Variants in NEXMIF observed in about 807,000 individuals in gnomAD.
The protein encoded by NEXMIF is XLMR protein related to neurite extension.
Under a neutral mutation model 62.1 loss-of-function variants are expected in NEXMIF, and 8 were observed. The ratio of observed to expected loss-of-function variants is 0.13; its 90% CI spans 0.08 to 0.23. The LOEUF (loss-of-function observed/expected upper bound fraction) is 0.23, where lower values mean the gene tolerates loss of function less well. Ranked by LOEUF, NEXMIF falls within the 10% of genes least tolerant of loss-of-function variation. The probability of loss-of-function intolerance (pLI) is 1.00; values close to 1 mark genes in which losing one functional copy is unlikely to be tolerated. For synonymous variants in NEXMIF, 404 were observed against 416.6 expected, an observed-to-expected ratio of 0.97 and a Z score of 0.37; for missense variants, 976 against 1,113.3, an observed-to-expected ratio of 0.88 and a Z score of 1.75.
chrX:74,902,319 G>T, intron 1 of NEXMIF, among the ~76,000 whole-genome samples: 1 of 109,206 alleles, frequency 9.2e-6, no homozygotes, highest in Middle Eastern at 4.7e-3. Context: ...TCTCTGTGCT[G>T]ATCAGCTCTG....
At chrX:74,877,733 C>T (rs1034750075) in intron 1 of NEXMIF, among the ~76,000 whole-genome samples, 9 of 111,713 alleles carry the variant, frequency 8.1e-5, no homozygotes, top group Admixed American at 1.9e-4. Flanking sequence ...CGCTTCATTT[C>T]ATTCATTTCA....
intron 1 of NEXMIF, among the ~76,000 whole-genome samples, chrX:74,879,904 T>C (rs900760556): frequency 1.2e-4 from 14 of 112,233 alleles, no homozygotes; most frequent in African/African-American, 4.5e-4. Flanking sequence ...TGGGATTATT[T>C]GTACTACTGC....
intron 1 of NEXMIF, among the ~76,000 whole-genome samples, chrX:74,886,474 CA>C (rs1200848454): frequency 1.8e-5 from 2 of 111,675 alleles, no homozygotes; most frequent in African/African-American, 6.5e-5. Flanking sequence ...AATCAATGTA[CA>C]AAAATCACAA....
chrX:74,895,632 TA>T (rs1228120674), intron 1 of NEXMIF, among the ~76,000 whole-genome samples: 1 of 111,028 alleles, frequency 9.0e-6, no homozygotes, highest in Non-Finnish European at 1.9e-5. Flanking sequence ...TGGAACAGAA[TA>T]AAAAATCCAG....
At chrX:74,800,408 C>T (rs1386716619) in intron 1 of NEXMIF, among the ~76,000 whole-genome samples, 1 of 111,256 alleles carries the variant, frequency 9.0e-6, no homozygotes, top group East Asian at 2.8e-4. Context: ...TAAAATTCCC[C>T]ATCCTATTTT....
chrX:74,911,289 G>A (rs1166262979), intron 1 of NEXMIF, among the ~76,000 whole-genome samples: 1 of 111,082 alleles, frequency 9.0e-6, no homozygotes, highest in Non-Finnish European at 1.9e-5. Context: ...GGGTTGTGGC[G>A]GGTGCCTGTA....
intron 1 of NEXMIF, among the ~76,000 whole-genome samples, chrX:74,812,552 A>T (rs979590008): frequency 8.9e-6 from 1 of 111,748 alleles, no homozygotes; most frequent in South Asian, 3.7e-4. Context: ...TCATCCAAAG[A>T]TAATGCAAGA....
At chrX:74,910,010 G>A (rs1252508500) in intron 1 of NEXMIF, among the ~76,000 whole-genome samples, 1 of 112,731 alleles carries the variant, frequency 8.9e-6, no homozygotes, top group Non-Finnish European at 1.9e-5. Context: ...TGCTGCAGGG[G>A]TGGAGCCCTC....
intron 1 of NEXMIF, among the ~76,000 whole-genome samples, chrX:74,904,119 T>C (rs774664283): frequency 5.0e-4 from 55 of 110,978 alleles, no homozygotes; most frequent in Non-Finnish European, 8.7e-4. Flanking sequence ...AGCTCCAGAA[T>C]TGGCTCCCTT....
intron 1 of NEXMIF, among the ~76,000 whole-genome samples, chrX:74,831,284 C>T (rs2080435907): frequency 9.1e-6 from 1 of 109,967 alleles, no homozygotes; most frequent in African/African-American, 3.3e-5. Flanking sequence ...TGTTGGTGTG[C>T]TGTACCCATT....
At chrX:74,882,421 A>C (rs1202802093) in intron 1 of NEXMIF, among the ~76,000 whole-genome samples, 1 of 112,044 alleles carries the variant, frequency 8.9e-6, no homozygotes, top group Non-Finnish European at 1.9e-5. Context: ...GACAGACGGC[A>C]CCTGGAAAAT....
chrX:74,801,377 T>C (rs1602233288), intron 1 of NEXMIF, among the ~76,000 whole-genome samples: 1 of 111,769 alleles, frequency 8.9e-6, no homozygotes, highest in African/African-American at 3.3e-5. Context: ...TGATAAGCTT[T>C]GTAAGAAACT....
intron 1 of NEXMIF, among the ~76,000 whole-genome samples, chrX:74,888,444 A>G (rs1466398970): frequency 9.1e-6 from 1 of 110,150 alleles, no homozygotes; most frequent in Non-Finnish European, 1.9e-5. Flanking sequence ...ACACAGGAAC[A>G]GAAAACCAAA....
chrX:74,907,540 C>T (rs1023455628), intron 1 of NEXMIF, among the ~76,000 whole-genome samples: 1 of 110,588 alleles, frequency 9.0e-6, no homozygotes, highest in Non-Finnish European at 1.9e-5. Flanking sequence ...GGGAAACGAC[C>T]TTAGAGATCA....
At chrX:74,876,538 G>A (rs1290934536) in intron 1 of NEXMIF, among the ~76,000 whole-genome samples, 3 of 106,210 alleles carry the variant, frequency 2.8e-5, no homozygotes, top group Non-Finnish European at 3.9e-5. Flanking sequence ...TCAATTCCTG[G>A]GTATCCTTGT....
At chrX:74,753,910 T>A (rs1318755089) in intron 1 of NEXMIF, among the ~76,000 whole-genome samples, 8 of 112,042 alleles carry the variant, frequency 7.1e-5, no homozygotes, top group African/African-American at 2.6e-4. Context: ...CCATTTGAAA[T>A]TTTGGGGGGA....
chrX:74,837,856 G>GA (rs370116731), intron 1 of NEXMIF, among the ~76,000 whole-genome samples: 1,357 of 111,092 alleles, frequency 0.012, 20 homozygotes, highest in African/African-American at 0.041. Flanking sequence ...GCATCAAAAG[G>GA]AAAAAAAACT....
At chrX:74,800,867 A>G (rs1358788569) in intron 1 of NEXMIF, among the ~76,000 whole-genome samples, 1 of 110,648 alleles carries the variant, frequency 9.0e-6, no homozygotes, top group Non-Finnish European at 1.9e-5. Flanking sequence ...TTTGTGTTGA[A>G]TATTCTATGG....
rs183840643 is a variant in NEXMIF at position 74,806,181 on chromosome X, G to A, written c.-47-60484C>T. ...AAACTCAAATGAAGTTCAACTTACC[G>A]TTTTTTTTCTTTCATGGATCACGCC... is the stretch of plus-strand genomic sequence containing the variant. On this transcript the variant is annotated intron_variant, in intron 1 of 3. Coordinates refer to ENST00000055682, the MANE Select transcript of NEXMIF (RefSeq NM_001008537.3). Among the ~76,000 whole-genome samples the A allele has an allele frequency of 3.3e-3, 363 of 110,631 alleles. 2 individuals are homozygous for A. Among genetic ancestry groups the A allele is most frequent in the African/African-American group, 0.011 (341 of 30,429 alleles).
Sources: gnomAD v4.1 joint callset for allele counts (sites outside exome capture counted in the v4.1 genomes callset) on GRCh38, gnomAD v4.1.1 for gene constraint, MANE v1.5 for transcripts, NCBI Gene and HGNC (gene_info 2026-07-23, HGNC 2026-07-21) for gene names.